The following GNB1L variants were observed in gnomAD, a reference collection of about 807,000 sequenced individuals.
GNB1L encodes G protein subunit beta 1 like, also known as guanine nucleotide-binding protein subunit beta-like protein 1.
Under a neutral mutation model 29.1 loss-of-function variants are expected in GNB1L, and 20 were observed. The ratio of observed to expected loss-of-function variants is 0.69; its 90% CI spans 0.48 to 1.00. GNB1L has a LOEUF of 1.00. GNB1L is among the 50% of genes least tolerant of loss of function. The pLI is 0.00. For missense variants in GNB1L, 421 were observed against 464.9 expected (o/e 0.91, Z 0.87); for synonymous variants, 193 against 206.5 (o/e 0.93, Z 0.56).
rs775533138 is a variant in GNB1L, at chr22:19,812,273, G to A, written c.417+12C>T. On this transcript the variant is annotated intron_variant, in intron 5 of 7. Coordinates refer to ENST00000329517, the MANE Select transcript of GNB1L (RefSeq NM_053004.3). ...TTGGAGAACATGGGGCCTCAGGCAG[G>A]CTGGCTCTCACCTCGTCGCTGCCCC... is the stretch of plus-strand genomic sequence containing the variant. 2 of 1,610,408 alleles carry A rather than the reference G, an allele frequency of 1.2e-6. No individual in the cohort carries two copies. Among genetic ancestry groups the A allele is most frequent in the African/African-American group, 1.3e-5 (1 of 74,904 alleles).
rs955531584 is a variant in GNB1L, at chr22:19,816,458, C to T, written c.255-4011G>A. Among the ~76,000 whole-genome samples, 10 of 152,142 alleles carry T rather than the reference C, an allele frequency of 6.6e-5. No individual in the cohort carries two copies. Among genetic ancestry groups the T allele is most frequent in the African/African-American group, 9.7e-5 (4 of 41,426 alleles). On this transcript the variant is annotated intron_variant, in intron 4 of 7. Transcript: ENST00000329517. This position sits in a 1 kb window ranked among gnomAD's most constrained non-coding sequence, Gnocchi z 4.4. ...TCCAGACCTAGAATCTGCCATCTCC[C>T]GGGGAACCCTCACTCAGCTTAGGAC...
chr22:19,820,830 G>A, intron 3 of GNB1L, 107 bp from the exon 4 acceptor site: 1 of 1,333,748 alleles, frequency 7.5e-7, no homozygotes, highest in African/African-American at 1.5e-5. Context: ...TAGGCTGGTT[G>A]AGCTGAAAAG....
At chr22:19,851,830 C>T in intron 2 of GNB1L, 1 of 1,613,942 alleles carries the variant, frequency 6.2e-7, no homozygotes, top group Non-Finnish European at 8.5e-7. Flanking sequence ...CTGTTAGGCG[C>T]CTGAGGATCT....
At chr22:19,809,987 C>T (rs1394733406) in intron 5 of GNB1L, among the ~76,000 whole-genome samples, 4 of 152,180 alleles carry the variant, frequency 2.6e-5, no homozygotes, top group Non-Finnish European at 4.4e-5. Context: ...AGGCTGGTCT[C>T]GAACTCCTGG....
chr22:19,822,775 C>A (rs1044004920), intron 2 of GNB1L, among the ~76,000 whole-genome samples: 4 of 152,140 alleles, frequency 2.6e-5, no homozygotes, highest in African/African-American at 9.7e-5. Context: ...GGGTGGTAGG[C>A]GGATGGGGGT....
intron 2 of GNB1L, among the ~76,000 whole-genome samples, chr22:19,844,714 G>A (rs1937924641): frequency 6.6e-6 from 1 of 152,228 alleles, no homozygotes; most frequent in Admixed American, 6.5e-5. Context: ...CTGGCAAGAT[G>A]GCAGGAAGGA....
rs567853402 is a variant in GNB1L at position 19,852,222 on chromosome 22, G to A, written c.-21+2221C>T. The A allele has an allele frequency of 2.5e-5, 41 of 1,612,854 alleles. No individual in the cohort carries two copies. In the South Asian group the frequency reaches 4.3e-4, roughly 17 times the overall value. On this transcript the variant is annotated intron_variant, in intron 2 of 7. Coordinates refer to ENST00000329517, the MANE Select transcript of GNB1L (RefSeq NM_053004.3). ...GCATAATTGGCGGCTGCCCAGATGG[G>A]AATGCGAGGGCCCTGCTGACGGCAC...
intron 7 of GNB1L, among the ~76,000 whole-genome samples, chr22:19,799,559 G>A (rs533800931): frequency 5.9e-5 from 9 of 152,340 alleles, no homozygotes; most frequent in South Asian, 2.1e-4. Flanking sequence ...ATCTGGTTCC[G>A]ATTACCCATG....
intron 2 of GNB1L, among the ~76,000 whole-genome samples, chr22:19,853,196 C>A (rs1025243736): frequency 6.6e-6 from 1 of 152,114 alleles, no homozygotes; most frequent in Non-Finnish European, 1.5e-5. Flanking sequence ...TTTCCACAGT[C>A]CCCATCCCAG....
At chr22:19,845,710 C>A (rs1009495493) in intron 2 of GNB1L, among the ~76,000 whole-genome samples, 1 of 152,216 alleles carries the variant, frequency 6.6e-6, no homozygotes, top group Non-Finnish European at 1.5e-5. Flanking sequence ...ACTAAGGGAG[C>A]AACGGGCCCT....
At chr22:19,831,266 G>A (rs1937675347) in intron 2 of GNB1L, among the ~76,000 whole-genome samples, 1 of 151,758 alleles carries the variant, frequency 6.6e-6, no homozygotes, top group Non-Finnish European at 1.5e-5. Flanking sequence ...TCGGGAGGCT[G>A]AGGCAGGAGA....
At chr22:19,822,390 G>A (rs934790881) in intron 2 of GNB1L, among the ~76,000 whole-genome samples, 24 of 152,300 alleles carry the variant, frequency 1.6e-4, no homozygotes, top group African/African-American at 3.6e-4. Flanking sequence ...GAGGCTTCCC[G>A]GGTCCGTGCC....
rs976072147 is a variant in GNB1L, at chr22:19,783,833, C to G, written c.*4876G>C. 6 of 152,378 alleles carry G rather than the reference C, an allele frequency of 3.9e-5. No individual in the cohort carries two copies. The highest frequency in any genetic ancestry group is 7.2e-5 in the African/African-American group (3 of 41,466). The allele number at this position is 152,378 out of a possible 1,614,324, so 9.4% of individuals were successfully genotyped here. A position where few individuals can be genotyped will look rare whatever the true frequency, so the allele number is the denominator to read the frequency against. On this transcript the variant is annotated 3_prime_UTR_variant, in exon 8 of 8. Coordinates refer to ENST00000329517, the MANE Select transcript of GNB1L (RefSeq NM_053004.3). ...TCCTGCCCAGCTCCTAATGGGCCTC[C>G]CATAAAAGCTGATGCGTGGGAGCCA...
At chr22:19,819,058 G>A (rs1023088877) in intron 4 of GNB1L, among the ~76,000 whole-genome samples, 5 of 152,164 alleles carry the variant, frequency 3.3e-5, no homozygotes, top group South Asian at 2.1e-4. Context: ...CCACGGGGGC[G>A]ATGTCAGAAC....
rs111394748 is a variant in GNB1L, at chr22:19,852,204, T to A, written c.-21+2239A>T. 869 of 1,613,574 alleles carry A rather than the reference T, an allele frequency of 5.4e-4. 8 individuals carry two copies. In the African/African-American group the frequency reaches 9.9e-3, roughly 18 times the overall value. On this transcript the variant is annotated intron_variant, in intron 2 of 7. Coordinates refer to ENST00000329517, the MANE Select transcript of GNB1L (RefSeq NM_053004.3). ...TGCCATGGATGTGCGTTGGCATAAT[T>A]GGCGGCTGCCCAGATGGGAATGCGA...
At chr22:19,844,750 G>A (rs371115784) in intron 2 of GNB1L, among the ~76,000 whole-genome samples, 15 of 152,336 alleles carry the variant, frequency 9.8e-5, no homozygotes, top group African/African-American at 3.4e-4. Context: ...TTGTTAGCCA[G>A]CCTGCCCCAG....
rs1039798115 is a variant in GNB1L at position 19,848,643 on chromosome 22, G to A, written c.-21+5800C>T. The A allele has an allele frequency of 4.1e-6, 4 of 985,348 alleles. No individual in the cohort carries two copies. In the African/African-American group the frequency reaches 5.2e-5, roughly 13 times the overall value. The allele number at this position is 985,348 out of a possible 1,614,324, so 61.0% of individuals were successfully genotyped here. A position where few individuals can be genotyped will look rare whatever the true frequency, so the allele number is the denominator to read the frequency against. On this transcript the variant is annotated intron_variant, in intron 2 of 7. Transcript: ENST00000329517. ...CAGGACGCGTTTTAATTAAAAACCA[G>A]GTCACCTGGACTCTCCCAAGGACTC... is the stretch of plus-strand genomic sequence containing the variant.
At chr22:19,852,117 G>A (rs758844354) in intron 2 of GNB1L, 12 of 1,614,060 alleles carry the variant, frequency 7.4e-6, no homozygotes, top group African/African-American at 5.3e-5. Context: ...CAGCAGGGCC[G>A]CTCAATCCAG....
chr22:19,823,736 C>G (rs1716605616), intron 2 of GNB1L, among the ~76,000 whole-genome samples: 1 of 152,138 alleles, frequency 6.6e-6, no homozygotes, highest in African/African-American at 2.4e-5. Flanking sequence ...ATGGTGCACA[C>G]AGACACATGC....
Sources: allele counts gnomAD v4.1 joint callset (sites outside exome capture counted in the v4.1 genomes callset), GRCh38; gene constraint gnomAD v4.1.1; non-coding constraint Gnocchi (gnomAD v3.1); transcripts MANE v1.5; gene names NCBI Gene and HGNC (gene_info 2026-07-23, HGNC 2026-07-21).